MAGEA4: variants seen among roughly 807,000 people sequenced by gnomAD.
MAGEA4 encodes MAGE family member A4.
In MAGEA4, 1 loss-of-function variant was observed where a neutral mutation model predicts 13.7. The ratio of observed to expected loss-of-function variants is 0.07; its 90% CI spans 0.03 to 0.35. The LOEUF (loss-of-function observed/expected upper bound fraction) is 0.35, where lower values mean the gene tolerates loss of function less well. Ranked by LOEUF, MAGEA4 falls within the 10% of genes least tolerant of loss-of-function variation. MAGEA4 has a pLI of 0.99. For missense variants in MAGEA4, 312 were observed against 245.1 expected, an observed-to-expected ratio of 1.27 and a Z score of -1.82; for synonymous variants, 132 against 101.1, an observed-to-expected ratio of 1.31 and a Z score of -1.83.
chrX:151,919,400 C>T (rs1448072118), intron 1 of MAGEA4, among the ~76,000 whole-genome samples: 1 of 98,641 alleles, frequency 1.0e-5, no homozygotes, highest in African/African-American at 3.8e-5. Context: ...AACCCCGCAC[C>T]TCTCTCACAC....
chrX:151,913,803 A>T, intron 1 of MAGEA4: 9 of 146,155 alleles, frequency 6.2e-5, no homozygotes, highest in Non-Finnish European at 1.1e-4. Context: ...TCTGCCAGGC[A>T]TGGACCTCAG....
In MAGEA4 at chrX:151,923,507, G is replaced by A. The variant is rs1221413738; in HGVS notation, c.-83G>A. On this transcript the variant is annotated 5_prime_UTR_variant, in exon 2 of 3. Transcript: ENST00000276344. ...AGGATTCCCTGGAGGCCACAGAGGA[G>A]CACCAAGGAGAAGATCTGTAAGTAA... is the stretch of plus-strand genomic sequence containing the variant. 1 of 1,202,234 alleles carries A rather than the reference G, an allele frequency of 8.3e-7. No homozygotes were observed. Among genetic ancestry groups the A allele is most frequent in the Non-Finnish European group, 1.1e-6 (1 of 892,229 alleles).
rs371047147 is a variant in MAGEA4 at position 151,924,307 on chromosome X, G to A, written c.643G>A (p.Asp215Asn). Residue 215 changes from aspartate (D) to asparagine (N), a missense_variant, in exon 3 of 3, where the codon GAC becomes AAC. Transcript: ENST00000276344. ...IVLGTIAMEG[D>N]SASEEEIWEE... is the part of the protein sequence containing the mutation. The stretch of plus-strand genomic sequence containing the variant: ...CCTGGGCACAATTGCAATGGAGGGC[G>A]ACAGCGCCTCTGAGGAGGAAATCTG... 20 of 1,209,648 alleles carry A rather than the reference G, an allele frequency of 1.7e-5. No homozygotes were observed. Among genetic ancestry groups the A allele is most frequent in the South Asian group, 1.6e-4 (9 of 56,653 alleles).
upstream of MAGEA4, chrX:151,912,570 A>G (rs767053342): frequency 1.1e-5 from 4 of 354,409 alleles, no homozygotes; most frequent in South Asian, 1.0e-4. Flanking sequence ...CAGGCGTCAA[A>G]GTCAGGACCC....
intron 1 of MAGEA4, chrX:151,917,727 G>A (rs1933120389): frequency 5.8e-6 from 2 of 346,810 alleles, no homozygotes; most frequent in Admixed American, 1.1e-4. Context: ...CCAGATAGAA[G>A]ACCCCAAATA....
At chrX:151,921,634 C>T (rs138233826) in intron 1 of MAGEA4, among the ~76,000 whole-genome samples, 196 of 112,407 alleles carry the variant, frequency 1.7e-3, no homozygotes, top group African/African-American at 5.8e-3. Flanking sequence ...AGCCCCATCC[C>T]CAACTCCGTT....
intron 1 of MAGEA4, chrX:151,913,694 T>A: frequency 1.6e-6 from 1 of 615,784 alleles, no homozygotes; most frequent in South Asian, 8.4e-5. Context: ...TGGGCGGACT[T>A]CTGAGTCTGG....
intron 1 of MAGEA4, chrX:151,919,639 G>A: frequency 4.0e-6 from 3 of 753,249 alleles, no homozygotes; most frequent in South Asian, 6.8e-5. Context: ...GCGCATTGGG[G>A]GTTAGAGAAA....
chrX:151,921,369 A>T (rs765356276), intron 1 of MAGEA4, among the ~76,000 whole-genome samples: 86 of 112,351 alleles, frequency 7.7e-4, no homozygotes, highest in African/African-American at 2.7e-3. Context: ...GGAAGGACTG[A>T]GGAGGCCCCC....
Position 151,924,607 on chromosome X carries a change from G to C in MAGEA4, c.943G>C (p.Glu315Gln). 1 of 1,185,278 alleles carries C rather than the reference G, an allele frequency of 8.4e-7. No homozygotes were observed. ...TGAAGCAGCTTTGTTAGAGGAGGAA[G>C]AGGGAGTCTGAGCATGAGTTGCAGC... ...LREAALLEEE[E>Q]GV The change falls in exon 3 of 3, where the codon GAG (glutamate) becomes CAG (glutamine). Residue 315 changes from glutamate (E) to glutamine (Q), a missense_variant. Glu to Gln is a conservative substitution (Grantham distance 29). Transcript: ENST00000276344.
intron 1 of MAGEA4, among the ~76,000 whole-genome samples, chrX:151,920,446 A>G (rs1197720316): frequency 1.8e-5 from 2 of 109,553 alleles, no homozygotes; most frequent in South Asian, 4.0e-4. Context: ...GCAGGGGACT[A>G]TGGAGTCAGA....
At chrX:151,921,388 T>G (rs752759524) in intron 1 of MAGEA4, among the ~76,000 whole-genome samples, 1 of 111,892 alleles carries the variant, frequency 8.9e-6, no homozygotes, top group Non-Finnish European at 1.9e-5. Flanking sequence ...CCACCCAAGA[T>G]AGAGGAACCC....
At chrX:151,921,352 A>G (rs1039650843) in intron 1 of MAGEA4, among the ~76,000 whole-genome samples, 2 of 111,901 alleles carry the variant, frequency 1.8e-5, no homozygotes, top group East Asian at 5.6e-4. Context: ...GCAAGGTGAG[A>G]CTCTGAGGAA....
chrX:151,923,845 G>C lies in MAGEA4; in HGVS notation c.181G>C (p.Gly61Arg). 8.3e-7 allele frequency: 1 copy of C among 1,211,002 alleles called. No homozygotes were observed. Among genetic ancestry groups the C allele is most frequent in the East Asian group, 3.0e-5 (1 of 33,816 alleles). The part of the protein sequence containing the change: ...LEEVPAAESA[G>R]PPQSPQGASA... ...GGAAGTGCCTGCTGCTGAGTCAGCA[G>C]GTCCTCCCCAGAGTCCTCAGGGAGC... is the stretch of plus-strand genomic sequence containing the variant. Residue 61 changes from glycine to arginine, a missense_variant, in exon 3 of 3, where the codon GGT becomes CGT. By Grantham distance (125) the Gly-to-Arg change is moderately radical (BLOSUM62 -2). Coordinates refer to ENST00000276344, the MANE Select transcript of MAGEA4 (RefSeq NM_001011548.1).
At chrX:151,912,853 C>A (rs1283439975), upstream of MAGEA4, 2 of 140,120 alleles carry the variant, frequency 1.4e-5, no homozygotes, top group Non-Finnish European at 2.7e-5. Context: ...CCCCAGCTGC[C>A]CGGATGTGAT....
chrX:151,922,675 C>T (rs1485411119), intron 1 of MAGEA4, among the ~76,000 whole-genome samples: 3 of 111,631 alleles, frequency 2.7e-5, no homozygotes, highest in African/African-American at 6.5e-5. Flanking sequence ...AGGGCCAGAA[C>T]GCAGATGATG....
At position 151,923,798 on chromosome X, in the gene MAGEA4, C is replaced by T. The variant is rs1194395595; in HGVS notation, c.134C>T (p.Pro45Leu). ...EQEAAVSSSS[P>L]LVPGTLEEVP... ...GAGGCTGCTGTCTCCTCCTCCTCTC[C>T]TCTGGTCCCTGGCACCCTGGAGGAA... The change falls in exon 3 of 3, where the codon CCT becomes CTT. Residue 45 changes from proline (P) to leucine (L), a missense_variant. Transcript: ENST00000276344. 2.5e-6 allele frequency: 3 copies of T among 1,209,129 alleles called. No individual in the cohort carries two copies. In the African/African-American group the frequency reaches 5.2e-5, roughly 21 times the overall value.
chrX:151,922,988 C>G (rs1212675572), intron 1 of MAGEA4, among the ~76,000 whole-genome samples: 2 of 112,515 alleles, frequency 1.8e-5, no homozygotes, highest in Non-Finnish European at 3.8e-5. Flanking sequence ...GTCCTGTTCC[C>G]TCTCAGGCAT....
intron 1 of MAGEA4, among the ~76,000 whole-genome samples, chrX:151,918,671 G>GC (rs1397923255): frequency 1.7e-4 from 3 of 17,798 alleles, no homozygotes; most frequent in Middle Eastern, 0.026. Flanking sequence ...AACCATCCAC[G>GC]CCCCATCCCC....
Sources: allele counts gnomAD v4.1 joint callset (sites outside exome capture counted in the v4.1 genomes callset), GRCh38; gene constraint gnomAD v4.1.1; transcripts MANE v1.5; gene names NCBI Gene and HGNC (gene_info 2026-07-23, HGNC 2026-07-21).